CSMD2: variants seen among roughly 807,000 people sequenced by gnomAD.
CSMD2 encodes CUB and Sushi multiple domains 2.
A neutral mutation model predicts 398.5 loss-of-function variants in CSMD2; 130 were observed. The observed-to-expected ratio is 0.33, with a 90% CI of 0.28 to 0.38. The LOEUF is 0.38. Among genes scored for constraint, CSMD2 ranks in the 10% least tolerant of loss-of-function variants. The pLI is 1.00. For missense variants in CSMD2, 3,829 were observed against 4,764.9 expected (o/e 0.80, Z 5.78); for synonymous variants, 1,828 against 1,908.5 (o/e 0.96, Z 1.10).
rs148590043 is a variant in CSMD2, at chr1:33,543,120, A to C, written c.9101-224T>G. ...CAAATTCCAGTTTTTTACAGAAAAA[A>C]GATGATCTATTCTATTATCGTCCTT... On this transcript the variant is annotated intron_variant, in intron 57 of 70. Coordinates refer to ENST00000373381, the MANE Select transcript of CSMD2 (RefSeq NM_001281956.2). Among the ~76,000 whole-genome samples the C allele has an allele frequency of 7.4e-3, 1,131 of 152,366 alleles. 9 individuals carry two copies. The highest frequency in any genetic ancestry group is 9.6e-3 in the Non-Finnish European group (655 of 68,034).
chr1:33,770,992 T>C (rs728387), intron 13 of CSMD2, among the ~76,000 whole-genome samples: 2,396 of 152,306 alleles, frequency 0.016, 26 homozygotes, highest in South Asian at 0.025. Context: ...CAACAGTCCC[T>C]CAGCTGGCAT....
chr1:33,646,538 G>A lies in CSMD2; in HGVS notation c.4774+110C>T, dbSNP rs909036651. On this transcript the variant is annotated intron_variant, in intron 29 of 70. Coordinates refer to ENST00000373381, the MANE Select transcript of CSMD2 (RefSeq NM_001281956.2). ...AGGCGGCAGCAGTGCTAGGGTTGGT[G>A]TGGGCTTGCTGTGGTCCAGCCCAGG... The A allele has an allele frequency of 1.2e-5, 14 of 1,183,608 alleles. No individual in the cohort carries two copies. In the African/African-American group the frequency reaches 2.1e-4, roughly 18 times the overall value. The allele number at this position is 1,183,608 out of a possible 1,614,324, so 73.3% of individuals were successfully genotyped here.
intron 13 of CSMD2, among the ~76,000 whole-genome samples, chr1:33,758,502 G>A (rs1456491779): frequency 6.6e-6 from 1 of 152,164 alleles, no homozygotes; most frequent in East Asian, 1.9e-4. Flanking sequence ...AACAAAAATA[G>A]GAAAATACTA....
intron 13 of CSMD2, among the ~76,000 whole-genome samples, chr1:33,749,385 C>A (rs1569705701): frequency 1.3e-5 from 2 of 152,104 alleles, no homozygotes; most frequent in African/African-American, 4.8e-5. Flanking sequence ...AGGCGTGAGC[C>A]ACTGCGCCCA....
At chr1:34,157,507 C>A (rs1240815349) in intron 1 of CSMD2, among the ~76,000 whole-genome samples, 1 of 151,602 alleles carries the variant, frequency 6.6e-6, no homozygotes, top group Non-Finnish European at 1.5e-5. Context: ...CATCTCACCT[C>A]CCCTCCATCA....
rs139514072 is a variant in CSMD2 at position 33,872,230 on chromosome 1, A to C, written c.921-25234T>G. On this transcript the variant is annotated intron_variant, in intron 5 of 70. Coordinates refer to ENST00000373381, the MANE Select transcript of CSMD2 (RefSeq NM_001281956.2). ...ATGGAGATGTCCAAGCAAAGTGTTG[A>C]AAATAATTTCTTCTTACTGCTTATG... is the stretch of plus-strand genomic sequence containing the variant. 6.1e-3 allele frequency among the ~76,000 whole-genome samples: 936 copies of C among 152,328 alleles called. 7 individuals are homozygous for C. Among genetic ancestry groups the C allele is most frequent in the Middle Eastern group, 0.034 (10 of 294 alleles).
At chr1:33,688,254 T>C (rs897232793) in intron 25 of CSMD2, among the ~76,000 whole-genome samples, 10 of 152,174 alleles carry the variant, frequency 6.6e-5, no homozygotes, top group African/African-American at 2.4e-4. Flanking sequence ...GGTAGGTCTA[T>C]AGACATTGAC....
chr1:34,022,255 G>C (rs1648998362), intron 3 of CSMD2, among the ~76,000 whole-genome samples: 1 of 152,152 alleles, frequency 6.6e-6, no homozygotes, highest in South Asian at 2.1e-4. Flanking sequence ...GCATTATTAG[G>C]AGCACTTGAT....
chr1:34,077,121 C>A, intron 2 of CSMD2, among the ~76,000 whole-genome samples: 1 of 150,720 alleles, frequency 6.6e-6, no homozygotes, highest in Non-Finnish European at 1.5e-5. Context: ...TTTGTTGGAA[C>A]GCATCCATAA....
In CSMD2 at chr1:33,698,822, C is replaced by G. The variant is rs769669996; in HGVS notation, c.3856G>C (p.Gly1286Arg). The G allele has an allele frequency of 6.2e-7, 1 of 1,614,084 alleles. No homozygotes were observed. Among genetic ancestry groups the G allele is most frequent in the Non-Finnish European group, 8.5e-7 (1 of 1,180,044 alleles). ...FSCDPGYSLR[G>R]SEELLCLSGE... ...CTCAGACACAGCAGCTCCTCACTAC[C>G]CCGCAGGCTGTATCCAGGGTCACAG... The change falls in exon 24 of 71, where the codon GGT becomes CGT. Residue 1286 changes from glycine (G) to arginine (R), a missense_variant. Transcript: ENST00000373381.
chr1:33,843,170 C>T (rs576190378), intron 6 of CSMD2, among the ~76,000 whole-genome samples: 32 of 152,270 alleles, frequency 2.1e-4, no homozygotes, highest in Non-Finnish European at 3.4e-4. Flanking sequence ...TTGGCCTAGG[C>T]GCATTCATCT....
intron 34 of CSMD2, 27 bp downstream of exon 34, chr1:33,625,024 C>CTCAACGCCCGGG (rs1553158316): frequency 4.3e-6 from 7 of 1,611,862 alleles, no homozygotes; most frequent in Middle Eastern, 1.7e-4. Context: ...CCCCCGCACC[C>CTCAACGCCCGGG]TCAACGCCCG....
At chr1:33,656,903 GTTCTC>G (rs553041134) in intron 27 of CSMD2, among the ~76,000 whole-genome samples, 18 of 152,282 alleles carry the variant, frequency 1.2e-4, no homozygotes, top group Middle Eastern at 3.4e-3. Flanking sequence ...GTGACCATGG[GTTCTC>G]TTCTCTTCTA....
At chr1:33,742,584 C>G (rs1310126235) in intron 14 of CSMD2, among the ~76,000 whole-genome samples, 7 of 139,194 alleles carry the variant, frequency 5.0e-5, no homozygotes, top group East Asian at 4.7e-4. Flanking sequence ...TCTGCCCCCC[C>G]CCCCCCAACC....
At chr1:33,867,879 C>T (rs1243988657) in intron 5 of CSMD2, among the ~76,000 whole-genome samples, 1 of 152,146 alleles carries the variant, frequency 6.6e-6, no homozygotes, top group Non-Finnish European at 1.5e-5. Flanking sequence ...CAGCTAGGCC[C>T]CAGCTCTCAT....
chr1:33,572,710 T>TGTC lies in CSMD2; in HGVS notation c.7577-22_7577-20dup, dbSNP rs751554824. ...GAAAGAGCTAGCAAAAGGAAAACAATGTCATGAGCATTTGTTTTAAGATGG... is the reference window on the plus strand; with the variant it reads ...GAAAGAGCTAGCAAAAGGAAAACAATGTCGTCATGAGCATTTGTTTTAAGATGG... On this transcript the variant is annotated intron_variant, in intron 49 of 70. Transcript: ENST00000373381. 10 of 1,579,620 alleles carry TGTC rather than the reference T, an allele frequency of 6.3e-6. No individual in the cohort carries two copies. The South Asian group carries it at 9.2e-5, about 14-fold the overall frequency.
At position 33,580,930 on chromosome 1, in the gene CSMD2, C is replaced by A. The variant is rs116544279; in HGVS notation, c.7241-31G>T. 8.2e-4 allele frequency: 1,326 copies of A among 1,609,668 alleles called. 16 individuals are homozygous for A. The African/African-American group carries it at 0.016, about 19-fold the overall frequency. ...GTGAGAAGGACGCAGGATTACAGACCATGGGAGCCATCACAGGGAGCCTCC... is the reference window on the plus strand; with the variant it reads ...GTGAGAAGGACGCAGGATTACAGACAATGGGAGCCATCACAGGGAGCCTCC... On this transcript the variant is annotated intron_variant, in intron 47 of 70. Coordinates refer to ENST00000373381, the MANE Select transcript of CSMD2 (RefSeq NM_001281956.2).
intron 25 of CSMD2, 108 bp downstream of exon 25, chr1:33,692,822 C>T (rs1645285070): frequency 1.4e-6 from 2 of 1,384,002 alleles, no homozygotes; most frequent in Non-Finnish European, 2.0e-6. Context: ...ACAAGGTTCT[C>T]CAGGTGAGGC....
Position 33,736,764 on chromosome 1 carries a change from G to A in CSMD2, c.2368+2376C>T, listed in dbSNP as rs148844209. Among the ~76,000 whole-genome samples, 3 of 152,318 alleles carry A rather than the reference G, an allele frequency of 2.0e-5. No individual in the cohort carries two copies. In the East Asian group the frequency reaches 5.8e-4, roughly 29 times the overall value. On this transcript the variant is annotated intron_variant, in intron 15 of 70. Coordinates refer to ENST00000373381, the MANE Select transcript of CSMD2 (RefSeq NM_001281956.2). ...ACTCACAGTCTTGTTGGGCAGACAG[G>A]ACCAAGGCCTGTGGAACTGGTAAAT...
Sources: gnomAD v4.1 joint callset for allele counts (sites outside exome capture counted in the v4.1 genomes callset) on GRCh38, gnomAD v4.1.1 for gene constraint, MANE v1.5 for transcripts, NCBI Gene and HGNC (gene_info 2026-07-23, HGNC 2026-07-21) for gene names.